Variants in NR6A1 observed in about 807,000 individuals in gnomAD.
NR6A1 encodes the protein nuclear receptor subfamily 6 group A member 1, also known as retinoic acid receptor-related testis-associated receptor.
NR6A1 carries 7 observed loss-of-function variants against 59.1 expected under a neutral mutation model. That is an observed-to-expected ratio of 0.12 (90% CI 0.07 to 0.22). The LOEUF is 0.22. Ranked by LOEUF, NR6A1 falls within the 10% of genes least tolerant of loss-of-function variation. The pLI is 1.00. For missense variants in NR6A1, 468 were observed against 611.6 expected, an observed-to-expected ratio of 0.77 and a Z score of 2.48; for synonymous variants, 243 against 236.1, an observed-to-expected ratio of 1.03 and a Z score of -0.27.
At chr9:124,686,439 T>C (rs1227468654) in intron 2 of NR6A1, among the ~76,000 whole-genome samples, 1 of 152,244 alleles carries the variant, frequency 6.6e-6, no homozygotes, top group Non-Finnish European at 1.5e-5. Flanking sequence ...TCAATTTCCA[T>C]GAATATCACC....
rs770473543 is a variant in NR6A1 at position 124,733,365 on chromosome 9, T to C, written c.101-16A>G. The C allele has an allele frequency of 8.7e-6, 14 of 1,606,378 alleles. No homozygotes were observed. The East Asian group carries it at 3.1e-4, about 36-fold the overall frequency. ...TGACAGAAACCTAAAGAGAAAACAATAGGAAAAAAAATTACAATTTGTGAA... is the reference window on the plus strand; with the variant it reads ...TGACAGAAACCTAAAGAGAAAACAACAGGAAAAAAAATTACAATTTGTGAA... On this transcript the variant is annotated splice_polypyrimidine_tract_variant and intron_variant, in intron 1 of 9. Coordinates refer to ENST00000487099, the MANE Select transcript of NR6A1 (RefSeq NM_033334.4).
chr9:124,550,958 C>T (rs60617326), intron 3 of NR6A1, among the ~76,000 whole-genome samples: 2,961 of 152,216 alleles, frequency 0.019, 86 homozygotes, highest in African/African-American at 0.067. Context: ...ATAAATTAAT[C>T]CTACAGTTAT....
rs1020683401 is a variant in NR6A1 at position 124,692,034 on chromosome 9, C to T, written c.142+41274G>A. ...AAATTCTGGCTTATAACCTTGGCTCCTGGCAATGTAACTTTAGGCAAATCA... is the reference window on the plus strand; with the variant it reads ...AAATTCTGGCTTATAACCTTGGCTCTTGGCAATGTAACTTTAGGCAAATCA... On this transcript the variant is annotated intron_variant, in intron 2 of 9. Coordinates refer to ENST00000487099, the MANE Select transcript of NR6A1 (RefSeq NM_033334.4). Among the ~76,000 whole-genome samples the T allele has an allele frequency of 5.3e-5, 8 of 152,250 alleles. No individual in the cohort carries two copies. The East Asian group carries it at 9.7e-4, about 18-fold the overall frequency.
intron 2 of NR6A1, among the ~76,000 whole-genome samples, chr9:124,681,917 C>G (rs901352995): frequency 6.6e-6 from 1 of 152,064 alleles, no homozygotes. Flanking sequence ...TTAATAAAAT[C>G]GAGTATGAAA....
intron 1 of NR6A1, among the ~76,000 whole-genome samples, chr9:124,737,641 G>A (rs1333556482): frequency 6.6e-6 from 1 of 152,190 alleles, no homozygotes; most frequent in East Asian, 1.9e-4. Context: ...CAAGGTGGGT[G>A]GATCACTTGA....
intron 2 of NR6A1, among the ~76,000 whole-genome samples, chr9:124,566,064 T>C (rs899641399): frequency 5.3e-5 from 8 of 152,246 alleles, no homozygotes; most frequent in African/African-American, 1.7e-4. Flanking sequence ...CAAATGTTCA[T>C]TGACATTACT....
chr9:124,710,207 G>C (rs1047370017), intron 2 of NR6A1, among the ~76,000 whole-genome samples: 1 of 152,148 alleles, frequency 6.6e-6, no homozygotes, highest in African/African-American at 2.4e-5. Context: ...ATCATTACAT[G>C]AAGGACTTTA....
chr9:124,621,489 A>G (rs952328909), intron 2 of NR6A1, among the ~76,000 whole-genome samples: 1 of 151,772 alleles, frequency 6.6e-6, no homozygotes, highest in African/African-American at 2.4e-5. Context: ...TCTTTAAAAA[A>G]AAAAAAAAAG....
chr9:124,658,587 T>A (rs1385865332), intron 2 of NR6A1: 1 of 152,158 alleles, frequency 6.6e-6, no homozygotes, highest in Non-Finnish European at 1.5e-5. Context: ...AAGAATCCTA[T>A]CTGGAAACAC....
intron 2 of NR6A1, among the ~76,000 whole-genome samples, chr9:124,573,757 G>C (rs780648302): frequency 1.5e-4 from 23 of 152,110 alleles, no homozygotes; most frequent in Non-Finnish European, 3.2e-4. Context: ...ATATACAATG[G>C]AATAAGCAAT....
intron 2 of NR6A1, among the ~76,000 whole-genome samples, chr9:124,687,171 T>C (rs1160361830): frequency 6.6e-6 from 1 of 151,280 alleles, no homozygotes; most frequent in Admixed American, 6.6e-5. Context: ...CAGGCTAGAG[T>C]GAAGTGGCGG....
chr9:124,693,383 T>C (rs1838627999), intron 2 of NR6A1, among the ~76,000 whole-genome samples: 1 of 152,192 alleles, frequency 6.6e-6, no homozygotes, highest in African/African-American at 2.4e-5. Context: ...AAAAAAGCAC[T>C]CATACTTCTC....
intron 2 of NR6A1, among the ~76,000 whole-genome samples, chr9:124,624,254 G>A (rs906831136): frequency 6.6e-6 from 1 of 152,144 alleles, no homozygotes; most frequent in South Asian, 2.1e-4. Context: ...AAGTTCTATC[G>A]TTCTTGAGGG....
At chr9:124,543,439 A>G (rs563915862) in intron 4 of NR6A1, among the ~76,000 whole-genome samples, 1 of 152,278 alleles carries the variant, frequency 6.6e-6, no homozygotes, top group African/African-American at 2.4e-5. Context: ...TTCTGCTGAT[A>G]TATTTTTTAG....
chr9:124,576,596 A>G (rs1834603813), intron 2 of NR6A1, among the ~76,000 whole-genome samples: 1 of 152,100 alleles, frequency 6.6e-6, no homozygotes, highest in African/African-American at 2.4e-5. Context: ...CAAGCAACAC[A>G]AGCTTTGTAT....
At chr9:124,544,504 T>C (rs557387381) in intron 3 of NR6A1, among the ~76,000 whole-genome samples, 3 of 152,328 alleles carry the variant, frequency 2.0e-5, no homozygotes, top group Admixed American at 1.3e-4. Context: ...AACCCCTGAT[T>C]TGCAATTATA....
chr9:124,696,729 G>A (rs914137077), intron 2 of NR6A1, among the ~76,000 whole-genome samples: 1 of 151,812 alleles, frequency 6.6e-6, no homozygotes, highest in African/African-American at 2.4e-5. Context: ...TGACATGTTG[G>A]CCAAGCTGTC....
At chr9:124,581,635 C>G (rs1834771784) in intron 2 of NR6A1, among the ~76,000 whole-genome samples, 1 of 152,062 alleles carries the variant, frequency 6.6e-6, no homozygotes, top group African/African-American at 2.4e-5. Flanking sequence ...TCAGAGTAAA[C>G]AGACAACCTA....
intron 2 of NR6A1, among the ~76,000 whole-genome samples, chr9:124,640,216 G>C (rs1467406453): frequency 6.6e-6 from 1 of 152,138 alleles, no homozygotes; most frequent in Non-Finnish European, 1.5e-5. Flanking sequence ...GATATTTTTA[G>C]GATTTAGAGG....
Sources: allele counts gnomAD v4.1 joint callset (sites outside exome capture counted in the v4.1 genomes callset), GRCh38; gene constraint gnomAD v4.1.1; transcripts MANE v1.5; gene names NCBI Gene and HGNC (gene_info 2026-07-23, HGNC 2026-07-21).